The following NOC2L variants were observed in gnomAD, a reference collection of about 807,000 sequenced individuals.
NOC2L encodes the protein NOC2 like nucleolar associated transcriptional repressor.
In NOC2L, 101 loss-of-function variants were observed where a neutral mutation model predicts 94.2. The ratio of observed to expected loss-of-function variants is 1.07; its 90% CI spans 0.91 to 1.26. NOC2L has a LOEUF of 1.26. NOC2L is among the 50% of genes most tolerant of loss of function. The probability of loss-of-function intolerance (pLI) is 0.00; values close to 1 mark genes in which losing one functional copy is unlikely to be tolerated. For missense variants in NOC2L, 1,076 were observed against 980.1 expected, an observed-to-expected ratio of 1.10 and a Z score of -1.31; for synonymous variants, 531 against 413.4, an observed-to-expected ratio of 1.28 and a Z score of -3.45.
chr1:958,226 G>A (rs1569958477), intron 2 of NOC2L: 4 of 157,646 alleles, frequency 2.5e-5, no homozygotes, highest in Admixed American at 6.3e-5. Context: ...GTGTCACCAC[G>A]CCAGGCTAAT....
chr1:945,594 C>T lies in NOC2L; in HGVS notation c.1977G>A (p.Glu659=). ...KRRKMADRKD[E]DRKQFKDLFD... is the part of the protein sequence containing the mutation. ...AGAGGTCTTTAAATTGCTTCCTGTCCTCATCCTTCCTGTCAGCCATCTTCC... is the reference window on the plus strand; with the variant it reads ...AGAGGTCTTTAAATTGCTTCCTGTCTTCATCCTTCCTGTCAGCCATCTTCC... The change falls in exon 17 of 19, where the codon GAG becomes GAA. Residue 659 remains glutamate, a synonymous_variant. Transcript: ENST00000327044. 6 of 1,614,008 alleles carry T rather than the reference C, an allele frequency of 3.7e-6. No homozygotes were observed. Among genetic ancestry groups the T allele is most frequent in the East Asian group, 2.2e-5 (1 of 44,882 alleles).
intron 2 of NOC2L, chr1:957,636 A>G (rs768563017): frequency 4.0e-6 from 1 of 252,408 alleles, no homozygotes; most frequent in Non-Finnish European, 7.8e-6. Flanking sequence ...TCTGTCTCTA[A>G]TACCCAGCAC....
At chr1:951,440 C>T (rs536772493) in intron 11 of NOC2L, among the ~76,000 whole-genome samples, 156 of 145,166 alleles carry the variant, frequency 1.1e-3, no homozygotes, top group Admixed American at 2.6e-3. Context: ...TTTATTTCAA[C>T]ACGGTGGCAG....
chr1:956,475 G>A (rs1192964907), intron 4 of NOC2L, among the ~76,000 whole-genome samples: 2 of 152,132 alleles, frequency 1.3e-5, no homozygotes, highest in East Asian at 3.8e-4. Flanking sequence ...ACCTCCAGGT[G>A]GTATCTGGAG....
chr1:956,084 C>T lies in NOC2L; in HGVS notation c.607+11G>A. On this transcript the variant is annotated intron_variant, in intron 5 of 18. Coordinates refer to ENST00000327044, the MANE Select transcript of NOC2L (RefSeq NM_015658.4). The stretch of plus-strand genomic sequence containing the variant: ...CAGACAGCCTGGATGCCAGGCTCCC[C>T]CCAAGCTCACCAGCACTGTCCGTGA... 6.2e-7 allele frequency: 1 copy of T among 1,614,068 alleles called. No homozygotes were observed.
chr1:953,921 CA>C, intron 7 of NOC2L, 29 bp from the exon 8 acceptor site: 1 of 1,609,964 alleles, frequency 6.2e-7, no homozygotes, highest in Non-Finnish European at 8.5e-7. Flanking sequence ...AGTGAAGCCC[CA>C]AACCCATGTA....
Position 948,597 on chromosome 1 carries a change from G to A in NOC2L, c.1450C>T (p.Gln484Ter), listed in dbSNP as rs773943074. The A allele has an allele frequency of 1.4e-6, 2 of 1,439,124 alleles. No individual in the cohort carries two copies. The highest frequency in any genetic ancestry group is 2.8e-5 in the East Asian group (1 of 35,478). The allele number at this position is 1,439,124 out of a possible 1,614,324, so 89.1% of individuals were successfully genotyped here. The change falls in exon 13 of 19, where the codon CAG (glutamine) becomes TAG (stop). Residue 484 changes from glutamine (Q) to a stop codon, truncating the protein, a stop_gained. Transcript: ENST00000327044. LOFTEE classifies it high-confidence loss of function. ...GGCTTCCTGTTGAAGTCGACCTGCT[G>A]GAACATCTGCCCCAAGGGCCGTGTC... ...PVLPFILEMF[Q>*]QVDFNRKPGR...
intron 2 of NOC2L, chr1:958,658 G>C (rs867700978): frequency 3.0e-6 from 2 of 660,312 alleles, no homozygotes; most frequent in Non-Finnish European, 5.6e-6. Context: ...AACTGCAGGC[G>C]GTGATTTCAC....
intron 2 of NOC2L, chr1:957,816 G>A (rs188997436): frequency 6.3e-6 from 1 of 159,894 alleles, no homozygotes; most frequent in African/African-American, 2.4e-5. Context: ...TGTTTTACGA[G>A]GCAATCTTAT....
At chr1:954,198 C>A in intron 6 of NOC2L, 116 bp from the exon 7 acceptor site, 3 of 920,164 alleles carry the variant, frequency 3.3e-6, no homozygotes, top group Non-Finnish European at 4.9e-6. Flanking sequence ...CAGAGACCCC[C>A]CGTCTCTCCA....
chr1:957,073 C>T lies in NOC2L; in HGVS notation c.354+26G>A, dbSNP rs765893583. ...AGGAGAGTGTAGAGACAAGTGCCCC[C>T]CTTCTGGTTTGGCCCACGCCCTCAC... On this transcript the variant is annotated intron_variant, in intron 3 of 18. Coordinates refer to ENST00000327044, the MANE Select transcript of NOC2L (RefSeq NM_015658.4). 3.1e-6 allele frequency: 5 copies of T among 1,613,892 alleles called. No individual in the cohort carries two copies. The South Asian group carries it at 3.3e-5, about 11-fold the overall frequency.
intron 2 of NOC2L, chr1:958,059 C>A (rs1458887532): frequency 6.8e-6 from 1 of 146,106 alleles, no homozygotes; most frequent in Non-Finnish European, 1.5e-5. Flanking sequence ...CAACCACCTC[C>A]GCTTTTTTTT....
intron 16 of NOC2L, 47 bp from the exon 17 acceptor site, chr1:945,700 T>TGGC (rs752567395): frequency 8.7e-6 from 14 of 1,613,428 alleles, no homozygotes; most frequent in Non-Finnish European, 1.1e-5. Context: ...GGGCAGGGGC[T>TGGC]GGCGGCCACA....
At position 946,459 on chromosome 1, in the gene NOC2L, T is replaced by C. The variant is rs1642120964; in HGVS notation, c.1746A>G (p.Ala582=). Residue 582 remains alanine, a synonymous_variant, in exon 15 of 19, where the codon GCA becomes GCG. Coordinates refer to ENST00000327044, the MANE Select transcript of NOC2L (RefSeq NM_015658.4). ...QLLGKVQENS[A]YICSRRQRVS... ...CCCTCTGGCGGCGGCTGCAGATGTA[T>C]GCCGAGTTCTCCTGAACCTTCCCAA... is the stretch of plus-strand genomic sequence containing the variant. 1 of 1,613,290 alleles carries C rather than the reference T, an allele frequency of 6.2e-7. No homozygotes were observed. Among genetic ancestry groups the C allele is most frequent in the African/African-American group, 1.3e-5 (1 of 75,040 alleles).
chr1:954,625 G>A (rs1227737005), intron 6 of NOC2L: 3 of 152,766 alleles, frequency 2.0e-5, no homozygotes, highest in African/African-American at 7.2e-5. Flanking sequence ...CCAAGCCCAG[G>A]AGTTTGAGAC....
At position 945,546 on chromosome 1, in the gene NOC2L, C is replaced by T. The variant is rs1324549803; in HGVS notation, c.2025G>A (p.Glu675=). 3.1e-6 allele frequency: 5 copies of T among 1,614,036 alleles called. No individual in the cohort carries two copies. The highest frequency in any genetic ancestry group is 2.2e-5 in the East Asian group (1 of 44,884). ...KDLFDLNSSE[E]DDTEGFSERG... is the part of the protein sequence containing the mutation. ...TCTCCGAGAATCCCTCGGTGTCGTCCTCTTCAGAGCTGTTCAGGTCAAAGA... is the reference window on the plus strand; with the variant it reads ...TCTCCGAGAATCCCTCGGTGTCGTCTTCTTCAGAGCTGTTCAGGTCAAAGA... Residue 675 remains glutamate (E), a synonymous_variant, in exon 17 of 19, where the codon GAG becomes GAA. Coordinates refer to ENST00000327044, the MANE Select transcript of NOC2L (RefSeq NM_015658.4).
intron 6 of NOC2L, among the ~76,000 whole-genome samples, chr1:954,990 A>C (rs1319320326): frequency 6.6e-6 from 1 of 152,226 alleles, no homozygotes; most frequent in Non-Finnish European, 1.5e-5. Context: ...ACCTGTGCTG[A>C]CACTGGCTGC....
rs571374089 is a variant in NOC2L at position 944,413 on chromosome 1, G to A, written c.*281C>T. ...CCAGGGGCCTGCAGGCCTCCCCCTGGAACTGGGACTGGTCTCGGTCTGCTG... is the reference window on the plus strand; with the variant it reads ...CCAGGGGCCTGCAGGCCTCCCCCTGAAACTGGGACTGGTCTCGGTCTGCTG... On this transcript the variant is annotated 3_prime_UTR_variant, in exon 19 of 19. Transcript: ENST00000327044. The A allele has an allele frequency of 2.7e-6, 3 of 1,127,274 alleles. No individual in the cohort carries two copies. The highest frequency in any genetic ancestry group is 3.4e-6 in the Non-Finnish European group (3 of 871,944). 69.8% of individuals were successfully genotyped at this position (1,127,274 alleles called of 1,614,324 possible).
At position 945,500 on chromosome 1, in the gene NOC2L, G is replaced by T. The variant is rs202201411; in HGVS notation, c.2053+18C>A. 58 of 1,612,820 alleles carry T rather than the reference G, an allele frequency of 3.6e-5. No homozygotes were observed. In the East Asian group the frequency reaches 1.3e-3, roughly 36 times the overall value. ...CTCCAGGCCCACCCTTCCCCTGGGA[G>T]CACCACGCAGGCCCCACCTCTCTCC... On this transcript the variant is annotated intron_variant, in intron 17 of 18. Coordinates refer to ENST00000327044, the MANE Select transcript of NOC2L (RefSeq NM_015658.4).
Sources: allele counts gnomAD v4.1 joint callset (sites outside exome capture counted in the v4.1 genomes callset), GRCh38; gene constraint gnomAD v4.1.1; transcripts MANE v1.5; gene names NCBI Gene and HGNC (gene_info 2026-07-23, HGNC 2026-07-21).